FBLN1: variants seen among roughly 807,000 people sequenced by gnomAD.
FBLN1 encodes the protein fibulin 1.
FBLN1 carries 34 observed loss-of-function variants against 89.7 expected under a neutral mutation model. The ratio of observed to expected loss-of-function variants is 0.38; its 90% CI spans 0.29 to 0.50. The LOEUF (loss-of-function observed/expected upper bound fraction) is 0.50. Among genes scored for constraint, FBLN1 ranks in the 20% least tolerant of loss-of-function variants. FBLN1 has a pLI of 0.92. For missense variants in FBLN1, 777 were observed against 988.1 expected (o/e 0.79, Z 2.86); for synonymous variants, 393 against 391.3 (o/e 1.00, Z -0.05).
intron 16 of FBLN1, among the ~76,000 whole-genome samples, chr22:45,592,078 C>A (rs6006777): frequency 0.22 from 26,620 of 119,994 alleles, 7,566 homozygotes; most frequent in African/African-American, 0.61. Flanking sequence ...GGTCAGTCCC[C>A]GCTGGACGGA....
At chr22:45,533,941 G>C (rs759910929) in intron 7 of FBLN1, 43 bp downstream of exon 7, 1 of 1,611,812 alleles carries the variant, frequency 6.2e-7, no homozygotes, top group Non-Finnish European at 8.5e-7. Flanking sequence ...TCTTCCAGGC[G>C]TAGATACGGC....
chr22:45,521,197 A>G (rs1460397356), intron 2 of FBLN1, among the ~76,000 whole-genome samples: 2 of 152,150 alleles, frequency 1.3e-5, no homozygotes, highest in African/African-American at 4.8e-5. Flanking sequence ...CATACATTAG[A>G]TTTCCTGGAA....
chr22:45,560,539 G>T (rs536657906), intron 14 of FBLN1, among the ~76,000 whole-genome samples: 1 of 152,092 alleles, frequency 6.6e-6, no homozygotes, highest in Non-Finnish European at 1.5e-5. Flanking sequence ...CCGTATTTCA[G>T]CTAAACCAGC....
intron 14 of FBLN1, among the ~76,000 whole-genome samples, chr22:45,554,752 C>G (rs2088756693): frequency 1.3e-5 from 2 of 152,224 alleles, no homozygotes; most frequent in Admixed American, 1.3e-4. Flanking sequence ...GGGCCAGGTC[C>G]TCTGGGGCTC....
At chr22:45,542,420 C>T (rs2088569718) in intron 10 of FBLN1, 137 bp downstream of exon 10, 3 of 1,268,950 alleles carry the variant, frequency 2.4e-6, no homozygotes, top group Admixed American at 1.9e-5. Context: ...GAGAGAAGAT[C>T]CTGAGTCAGG....
In FBLN1 at chr22:45,600,788, A is replaced by C. The variant is rs915640225; in HGVS notation, c.*342A>C. On this transcript the variant is annotated 3_prime_UTR_variant, in exon 17 of 17. Coordinates refer to ENST00000327858, the MANE Select transcript of FBLN1 (RefSeq NM_006486.3). ...GGCAGCCAGTCCAAATGCCAAAAGA[A>C]GACCAGTTCTTGCCCTGATTGTATG... The C allele has an allele frequency of 2.6e-6, 1 of 382,340 alleles. No individual in the cohort carries two copies. The allele number at this position is 382,340 out of a possible 1,614,324, so 23.7% of individuals were successfully genotyped here.
intron 14 of FBLN1, among the ~76,000 whole-genome samples, chr22:45,554,998 CACA>C (rs2088761128): frequency 1.3e-5 from 2 of 149,154 alleles, no homozygotes; most frequent in African/African-American, 5.1e-5. Flanking sequence ...CCGTCTCCAC[CACA>C]GGAAGTTAGG....
At chr22:45,519,951 C>T (rs181195806) in intron 2 of FBLN1, among the ~76,000 whole-genome samples, 4 of 152,270 alleles carry the variant, frequency 2.6e-5, no homozygotes, top group Admixed American at 1.3e-4. Flanking sequence ...GGGTGGATCA[C>T]CTGATGTCAG....
At chr22:45,535,501 C>T (rs963025111) in intron 8 of FBLN1, 164 bp downstream of exon 8, 16 of 777,492 alleles carry the variant, frequency 2.1e-5, no homozygotes, top group Non-Finnish European at 3.4e-5. Flanking sequence ...ATACTTTAGC[C>T]GTTGTGGGCC....
At position 45,563,322 on chromosome 22, in the gene FBLN1, C is replaced by T. The variant is rs1212002647; in HGVS notation, c.1698-11189C>T. ...CTGTTGCTTTCCTAACCCTGCCCTC[C>T]GGGGCGTTAATAAAGTCTTAGCAAG... On this transcript the variant is annotated intron_variant, in intron 14 of 16. Transcript: ENST00000327858. The surrounding 1 kb of genome is among the most constrained non-coding windows in gnomAD (Gnocchi z 5.7). 2.5e-5 allele frequency: 41 copies of T among 1,610,862 alleles called. No homozygotes were observed. Among genetic ancestry groups the T allele is most frequent in the East Asian group, 8.9e-5 (4 of 44,872 alleles).
chr22:45,552,295 C>T (rs1947082169), intron 14 of FBLN1, among the ~76,000 whole-genome samples: 1 of 152,300 alleles, frequency 6.6e-6, no homozygotes, highest in East Asian at 1.9e-4. Context: ...TAGGCAGAAG[C>T]GGCGGGAGTA....
chr22:45,505,445 G>A (rs1399549662), intron 1 of FBLN1, among the ~76,000 whole-genome samples: 1 of 152,200 alleles, frequency 6.6e-6, no homozygotes, highest in Non-Finnish European at 1.5e-5. Flanking sequence ...GTCAGGGCTG[G>A]GGCCTCTCCT....
chr22:45,554,140 G>A, intron 14 of FBLN1, among the ~76,000 whole-genome samples: 1 of 152,272 alleles, frequency 6.6e-6, no homozygotes, highest in East Asian at 1.9e-4. Flanking sequence ...CTTCCAGCCA[G>A]TAGAGCGGGA....
chr22:45,558,196 C>T (rs977928721), intron 14 of FBLN1: 4 of 679,630 alleles, frequency 5.9e-6, no homozygotes, highest in African/African-American at 1.8e-5. Flanking sequence ...GCCTTCAGGA[C>T]CTGCTCAAGC....
At position 45,577,471 on chromosome 22, in the gene FBLN1, C is replaced by T. The variant is rs780448517; in HGVS notation, c.1972+363C>T. On this transcript the variant is annotated intron_variant, in intron 16 of 16. Transcript: ENST00000327858. The surrounding 1 kb of genome is among the most constrained non-coding windows in gnomAD (Gnocchi z 6.6). ...CTTGTCCTGAGGGCTGGCACAGTCC[C>T]GCGGTCGGTGGGAGCTAAGGGGATT... is the stretch of plus-strand genomic sequence containing the variant. Among the ~76,000 whole-genome samples the T allele has an allele frequency of 1.5e-4, 23 of 152,346 alleles. No individual in the cohort carries two copies. The highest frequency in any genetic ancestry group is 8.3e-4 in the South Asian group (4 of 4,824).
Position 45,574,489 on chromosome 22 carries a change from C to G in FBLN1, c.1698-22C>G. 1.2e-6 allele frequency: 2 copies of G among 1,613,984 alleles called. No individual in the cohort carries two copies. The highest frequency in any genetic ancestry group is 8.5e-7 in the Non-Finnish European group (1 of 1,179,996). Reference sequence around the variant, plus strand: ...GCTGTCCCAGCTTCCCCGTCAGCCTCGTGTGCTGTGGTTCCCCTCAGGCTC... The same window carrying G: ...GCTGTCCCAGCTTCCCCGTCAGCCTGGTGTGCTGTGGTTCCCCTCAGGCTC... On this transcript the variant is annotated intron_variant, in intron 14 of 16. Coordinates refer to ENST00000327858, the MANE Select transcript of FBLN1 (RefSeq NM_006486.3). This position sits in a 1 kb window ranked among gnomAD's most constrained non-coding sequence, Gnocchi z 4.1.
intron 14 of FBLN1, among the ~76,000 whole-genome samples, chr22:45,553,489 C>T (rs930335545): frequency 2.0e-5 from 3 of 152,224 alleles, no homozygotes; most frequent in African/African-American, 4.8e-5. Context: ...ATTTTTGGGC[C>T]GTTCCCAGTC....
At chr22:45,547,288 C>G in intron 12 of FBLN1, 84 bp downstream of exon 12, 1 of 1,571,552 alleles carries the variant, frequency 6.4e-7, no homozygotes, top group Non-Finnish European at 8.7e-7. Flanking sequence ...CTTTCAAAAT[C>G]CACAGGGAAG....
In FBLN1 at chr22:45,577,173, G is replaced by A. The variant is rs915055781; in HGVS notation, c.1972+65G>A. On this transcript the variant is annotated intron_variant, in intron 16 of 16. Transcript: ENST00000327858. The surrounding 1 kb of genome is among the most constrained non-coding windows in gnomAD (Gnocchi z 6.6). ...CCCCCTCCACCCCGAAACCCTCTCT[G>A]GCCCAGCCCAACTCCCATCTGAGTC... The A allele has an allele frequency of 3.2e-6, 5 of 1,585,676 alleles. No homozygotes were observed. The highest frequency in any genetic ancestry group is 3.4e-5 in the Admixed American group (2 of 59,592).
Sources: gnomAD v4.1 joint callset for allele counts (sites outside exome capture counted in the v4.1 genomes callset) on GRCh38, gnomAD v4.1.1 for gene constraint, Gnocchi (gnomAD v3.1) non-coding constraint, MANE v1.5 for transcripts, NCBI Gene and HGNC (gene_info 2026-07-23, HGNC 2026-07-21) for gene names.